SNX9: variants seen among roughly 807,000 people sequenced by gnomAD.
SNX9 encodes sorting nexin 9.
Under a neutral mutation model 89.4 loss-of-function variants are expected in SNX9, and 44 were observed. The ratio of observed to expected loss-of-function variants is 0.49; its 90% CI spans 0.39 to 0.63. The LOEUF is 0.63. SNX9 is among the 30% of genes least tolerant of loss of function. The pLI, the probability that SNX9 is intolerant of heterozygous loss-of-function variation, is 0.00. For synonymous variants in SNX9, 236 were observed against 247.8 expected (o/e 0.95, Z 0.45); for missense variants, 578 against 736.1 (o/e 0.79, Z 2.49).
intron 9 of SNX9, among the ~76,000 whole-genome samples, chr6:157,919,524 A>C (rs116014752): frequency 1.0e-3 from 157 of 152,108 alleles, no homozygotes; most frequent in African/African-American, 3.5e-3. Context: ...TTCAATTACT[A>C]TACTTTCAAC....
chr6:157,860,064 A>G (rs922160466), intron 1 of SNX9, among the ~76,000 whole-genome samples: 2 of 152,228 alleles, frequency 1.3e-5, no homozygotes, highest in African/African-American at 4.8e-5. Flanking sequence ...GGCAGCAGAG[A>G]CAGACTGAAT....
chr6:157,864,093 A>T (rs2115131936), intron 1 of SNX9, among the ~76,000 whole-genome samples: 1 of 152,284 alleles, frequency 6.6e-6, no homozygotes, highest in African/African-American at 2.4e-5. Context: ...TATTCCTCAT[A>T]ACTGTGGAGG....
At chr6:157,931,565 G>T (rs1446244529) in intron 12 of SNX9, among the ~76,000 whole-genome samples, 1 of 152,148 alleles carries the variant, frequency 6.6e-6, no homozygotes, top group Non-Finnish European at 1.5e-5. Flanking sequence ...AACCTTAGGG[G>T]TCATTTATTG....
chr6:157,885,647 A>G (rs545034079), intron 4 of SNX9, among the ~76,000 whole-genome samples: 19 of 152,244 alleles, frequency 1.2e-4, no homozygotes, highest in Middle Eastern at 3.2e-3. Context: ...GCCAGATGAC[A>G]TCATCACAGG....
chr6:157,865,118 C>T (rs2115132909), intron 1 of SNX9, among the ~76,000 whole-genome samples: 1 of 152,228 alleles, frequency 6.6e-6, no homozygotes, highest in South Asian at 2.1e-4. Flanking sequence ...GCGGGTGGAT[C>T]ACCTGAGGTG....
chr6:157,871,507 G>A (rs1005178526), intron 2 of SNX9, among the ~76,000 whole-genome samples: 9 of 151,974 alleles, frequency 5.9e-5, no homozygotes, highest in South Asian at 2.1e-4. Flanking sequence ...GGCGGGGAAC[G>A]TCGCACACCA....
chr6:157,870,008 C>T (rs1338089248), intron 2 of SNX9, among the ~76,000 whole-genome samples: 1 of 152,070 alleles, frequency 6.6e-6, no homozygotes, highest in Non-Finnish European at 1.5e-5. Flanking sequence ...CTCTCATGCA[C>T]ACCCACAGTC....
At chr6:157,914,463 C>CT (rs1364127737) in intron 9 of SNX9, among the ~76,000 whole-genome samples, 3,429 of 95,762 alleles carry the variant, frequency 0.036, 171 homozygotes, top group African/African-American at 0.047. Context: ...TTGTCATTTT[C>CT]TTTTTCTTTT....
At chr6:157,894,357 G>T (rs533185666) in intron 4 of SNX9, among the ~76,000 whole-genome samples, 1 of 149,562 alleles carries the variant, frequency 6.7e-6, no homozygotes, top group African/African-American at 2.5e-5. Context: ...TGATCCTCCC[G>T]CCTCGGCCTC....
At chr6:157,927,718 CTTTTTTT>C (rs761592456) in intron 11 of SNX9, among the ~76,000 whole-genome samples, 7 of 98,762 alleles carry the variant, frequency 7.1e-5, no homozygotes, top group African/African-American at 1.3e-4. Flanking sequence ...TAATTTTAAG[CTTTTTTT>C]TTTTTTTTTT....
At chr6:157,883,586 A>T (rs937104632) in intron 4 of SNX9, among the ~76,000 whole-genome samples, 1 of 152,210 alleles carries the variant, frequency 6.6e-6, no homozygotes, top group African/African-American at 2.4e-5. Flanking sequence ...TATTTCTGTG[A>T]TGCCTCAGTG....
At chr6:157,898,597 G>C (rs1477950823) in intron 5 of SNX9, among the ~76,000 whole-genome samples, 1 of 152,214 alleles carries the variant, frequency 6.6e-6, no homozygotes, top group Non-Finnish European at 1.5e-5. Context: ...CTTCCTGTTT[G>C]ACTAGGCTAT....
intron 12 of SNX9, among the ~76,000 whole-genome samples, chr6:157,931,184 A>G (rs1199584852): frequency 2.0e-5 from 3 of 152,208 alleles, no homozygotes; most frequent in African/African-American, 7.2e-5. Context: ...ACTCTAGCAC[A>G]CACTCTGCAT....
intron 9 of SNX9, among the ~76,000 whole-genome samples, chr6:157,912,987 A>G (rs1320590061): frequency 6.6e-6 from 1 of 152,224 alleles, no homozygotes; most frequent in Non-Finnish European, 1.5e-5. Context: ...AAATTTTCAC[A>G]AGAATAATTT....
chr6:157,847,706 G>A (rs1425697833), intron 1 of SNX9, among the ~76,000 whole-genome samples: 2 of 151,984 alleles, frequency 1.3e-5, no homozygotes, highest in Admixed American at 6.6e-5. Flanking sequence ...TAGGTTACAC[G>A]TCGTCTATTC....
intron 1 of SNX9, among the ~76,000 whole-genome samples, chr6:157,866,189 G>A (rs1455707819): frequency 6.6e-6 from 1 of 152,158 alleles, no homozygotes; most frequent in Non-Finnish European, 1.5e-5. Context: ...AGTGTTTCTG[G>A]ACCCTGTCTC....
At chr6:157,860,588 CTT>C (rs1782101426) in intron 1 of SNX9, among the ~76,000 whole-genome samples, 1 of 152,190 alleles carries the variant, frequency 6.6e-6, no homozygotes, top group African/African-American at 2.4e-5. Context: ...GTTAAGATAT[CTT>C]TGTCTAATTG....
At chr6:157,848,810 C>T (rs1378625494) in intron 1 of SNX9, among the ~76,000 whole-genome samples, 4 of 152,122 alleles carry the variant, frequency 2.6e-5, no homozygotes, top group East Asian at 3.8e-4. Flanking sequence ...GTTATAAGGC[C>T]GTCCATGGGA....
At chr6:157,920,269 G>GA (rs1257561909) in intron 9 of SNX9, among the ~76,000 whole-genome samples, 1 of 152,124 alleles carries the variant, frequency 6.6e-6, no homozygotes, top group Non-Finnish European at 1.5e-5. Flanking sequence ...TCTCCAATGT[G>GA]TATGCATACA....
Sources: allele counts gnomAD v4.1 joint callset (sites outside exome capture counted in the v4.1 genomes callset), GRCh38; gene constraint gnomAD v4.1.1; transcripts MANE v1.5; gene names NCBI Gene and HGNC (gene_info 2026-07-23, HGNC 2026-07-21).